Variants in FGF2 observed in about 807,000 individuals in gnomAD.
FGF2 encodes the protein fibroblast growth factor 2, also known as basic fibroblast growth factor bFGF.
A neutral mutation model predicts 15.9 loss-of-function variants in FGF2; 13 were observed. That is an observed-to-expected ratio of 0.82 (90% CI 0.53 to 1.30). FGF2 has a LOEUF of 1.30. Among genes scored for constraint, FGF2 ranks in the 50% most tolerant of loss-of-function variants. FGF2 has a pLI of 0.00. For synonymous variants in FGF2, 90 were observed against 78.4 expected (o/e 1.15, Z -0.78); for missense variants, 163 against 196.9 (o/e 0.83, Z 1.03).
chr4:122,865,577 G>A (rs905946608), intron 1 of FGF2, among the ~76,000 whole-genome samples: 3 of 152,050 alleles, frequency 2.0e-5, no homozygotes, highest in Non-Finnish European at 4.4e-5. Flanking sequence ...GAACCACCAC[G>A]CCTGGCCTTC....
chr4:122,832,333 T>G (rs1368168454), intron 1 of FGF2, among the ~76,000 whole-genome samples: 1 of 152,218 alleles, frequency 6.6e-6, no homozygotes, highest in African/African-American at 2.4e-5. Flanking sequence ...CTCAGCTCAC[T>G]ACAACCTCTC....
intron 1 of FGF2, among the ~76,000 whole-genome samples, chr4:122,871,501 G>A (rs1248461123): frequency 2.0e-5 from 3 of 151,984 alleles, no homozygotes; most frequent in Non-Finnish European, 4.4e-5. Context: ...AAGAGAGAAA[G>A]TGCTTCATCA....
intron 1 of FGF2, among the ~76,000 whole-genome samples, chr4:122,863,322 C>T (rs1726509438): frequency 6.6e-6 from 1 of 152,148 alleles, no homozygotes; most frequent in Non-Finnish European, 1.5e-5. Flanking sequence ...TAGCTGTTTT[C>T]ATGTCATGTC....
At chr4:122,869,793 T>G (rs183857837) in intron 1 of FGF2, among the ~76,000 whole-genome samples, 1 of 152,200 alleles carries the variant, frequency 6.6e-6, no homozygotes, top group African/African-American at 2.4e-5. Context: ...CAGAGACAAT[T>G]TGACTTCCTC....
chr4:122,861,717 A>C (rs1459836811), intron 1 of FGF2, among the ~76,000 whole-genome samples: 2 of 152,100 alleles, frequency 1.3e-5, no homozygotes, highest in Non-Finnish European at 2.9e-5. Context: ...AGCCTCTGGT[A>C]TCTCCAGCCT....
chr4:122,863,826 A>G (rs1482449871), intron 1 of FGF2, among the ~76,000 whole-genome samples: 2 of 152,234 alleles, frequency 1.3e-5, no homozygotes, highest in Non-Finnish European at 2.9e-5. Flanking sequence ...CTGGCAGGCT[A>G]GAATTCTCTG....
chr4:122,888,863 C>A (rs1727110700), intron 2 of FGF2: 1 of 152,044 alleles, frequency 6.6e-6, no homozygotes, highest in African/African-American at 2.4e-5. Context: ...TTCACTTAAG[C>A]TTATTGCTTA....
At chr4:122,831,921 A>G (rs1484571150) in intron 1 of FGF2, among the ~76,000 whole-genome samples, 1 of 152,272 alleles carries the variant, frequency 6.6e-6, no homozygotes, top group African/African-American at 2.4e-5. Flanking sequence ...GAACAAAACA[A>G]GAACGGTTCT....
At chr4:122,841,010 C>T (rs1294763679) in intron 1 of FGF2, among the ~76,000 whole-genome samples, 1 of 152,090 alleles carries the variant, frequency 6.6e-6, no homozygotes, top group Non-Finnish European at 1.5e-5. Flanking sequence ...AAGAAGATAA[C>T]AGAGTAAGTA....
At chr4:122,848,400 A>G (rs6534364) in intron 1 of FGF2, among the ~76,000 whole-genome samples, 3,801 of 152,314 alleles carry the variant, frequency 0.025, 176 homozygotes, top group African/African-American at 0.086. Flanking sequence ...GAAAGGACAT[A>G]ATTATGTTAA....
At position 122,893,160 on chromosome 4, in the gene FGF2, T is replaced by G. The variant is rs1727239761; in HGVS notation, c.*764T>G. On this transcript the variant is annotated 3_prime_UTR_variant, in exon 3 of 3. Coordinates refer to ENST00000644866, the MANE Select transcript of FGF2 (RefSeq NM_001361665.2). ...GGATTTGTGTGCTGTTGCCGAATACTCAGGACGGACCTGAATTCTGATTTT... is the reference window on the plus strand; with the variant it reads ...GGATTTGTGTGCTGTTGCCGAATACGCAGGACGGACCTGAATTCTGATTTT... 6.2e-7 allele frequency: 1 copy of G among 1,614,188 alleles called. No homozygotes were observed. Among genetic ancestry groups the G allele is most frequent in the Non-Finnish European group, 8.5e-7 (1 of 1,180,034 alleles).
chr4:122,844,582 T>TTCCTTCCTTCCTTC (rs1560740307), intron 1 of FGF2, among the ~76,000 whole-genome samples: 4 of 117,276 alleles, frequency 3.4e-5, no homozygotes, highest in Middle Eastern at 4.5e-3. Flanking sequence ...TTTCTTTCTT[T>TTCCTTCCTTCCTTC]CTTTCTTCCT....
chr4:122,897,797 T>A lies in FGF2; in HGVS notation c.*5401T>A. On this transcript the variant is annotated 3_prime_UTR_variant, in exon 3 of 3. Transcript: ENST00000644866. ...GGTTGAGAATATATTTTTTAGTAAT[T>A]GCATGCAAAATTTTTCTAGCTTCCA... The A allele has an allele frequency of 1.4e-6, 1 of 712,286 alleles. No individual in the cohort carries two copies. The highest frequency in any genetic ancestry group is 2.4e-6 in the Non-Finnish European group (1 of 409,692). The allele number at this position is 712,286 out of a possible 1,614,324, so 44.1% of individuals were successfully genotyped here.
intron 1 of FGF2, among the ~76,000 whole-genome samples, chr4:122,842,808 TG>T (rs1227295309): frequency 6.6e-6 from 1 of 152,238 alleles, no homozygotes; most frequent in African/African-American, 2.4e-5. Context: ...ATCTCACTCC[TG>T]GCTTCATCAG....
chr4:122,868,083 G>A (rs308378), intron 1 of FGF2, among the ~76,000 whole-genome samples: 7,182 of 152,156 alleles, frequency 0.047, 321 homozygotes, highest in South Asian at 0.14. Flanking sequence ...CCTTTTAGTG[G>A]TGTGTTGGAC....
chr4:122,876,222 T>C, intron 1 of FGF2, 99 bp from the exon 2 acceptor site: 1 of 773,642 alleles, frequency 1.3e-6, no homozygotes, highest in Non-Finnish European at 2.3e-6. Flanking sequence ...AGTGGATTAG[T>C]TGTTGCTTAG....
intron 2 of FGF2, among the ~76,000 whole-genome samples, chr4:122,879,194 G>A (rs1726914399): frequency 6.6e-6 from 1 of 152,180 alleles, no homozygotes; most frequent in African/African-American, 2.4e-5. Context: ...GTCAGCTCAA[G>A]AGGTGATGTA....
intron 1 of FGF2, among the ~76,000 whole-genome samples, chr4:122,838,284 T>C (rs1725906249): frequency 6.6e-6 from 1 of 152,170 alleles, no homozygotes; most frequent in African/African-American, 2.4e-5. Context: ...TGCTCTGTGG[T>C]AGAGGAAGGG....
intron 1 of FGF2, among the ~76,000 whole-genome samples, chr4:122,871,640 A>G (rs534122212): frequency 3.9e-5 from 6 of 152,242 alleles, no homozygotes; most frequent in Non-Finnish European, 8.8e-5. Flanking sequence ...ACACAGAAGA[A>G]GCAGGCACCC....
Sources: allele counts gnomAD v4.1 joint callset (sites outside exome capture counted in the v4.1 genomes callset), GRCh38; gene constraint gnomAD v4.1.1; transcripts MANE v1.5; gene names NCBI Gene and HGNC (gene_info 2026-07-23, HGNC 2026-07-21).